Variants in RABGAP1L observed in about 807,000 individuals in gnomAD.
RABGAP1L encodes rab GTPase-activating protein 1-like.
A neutral mutation model predicts 137.7 loss-of-function variants in RABGAP1L; 63 were observed. That is an observed-to-expected ratio of 0.46 (90% CI 0.37 to 0.56). RABGAP1L has a LOEUF of 0.56. Among genes scored for constraint, RABGAP1L ranks in the 20% least tolerant of loss-of-function variants. RABGAP1L has a pLI of 0.00. For missense variants in RABGAP1L, 1,095 were observed against 1,244.0 expected, an observed-to-expected ratio of 0.88 and a Z score of 1.80; for synonymous variants, 431 against 433.7, an observed-to-expected ratio of 0.99 and a Z score of 0.08.
chr1:174,314,622 A>G (rs1679196472), intron 11 of RABGAP1L, among the ~76,000 whole-genome samples: 1 of 151,564 alleles, frequency 6.6e-6, no homozygotes, highest in Admixed American at 6.6e-5. Context: ...CCTTTTTTTG[A>G]TGTAGACAGT....
At chr1:174,206,129 C>G (rs1230075945) in intron 1 of RABGAP1L, among the ~76,000 whole-genome samples, 1 of 152,118 alleles carries the variant, frequency 6.6e-6, no homozygotes, top group African/African-American at 2.4e-5. Context: ...AGCTTAGATT[C>G]ATCTATTTGG....
intron 11 of RABGAP1L, among the ~76,000 whole-genome samples, chr1:174,356,694 A>G (rs1683665721): frequency 6.6e-6 from 1 of 152,022 alleles, no homozygotes; most frequent in African/African-American, 2.4e-5. Context: ...ATTGTATCCT[A>G]TTTTGGTGTT....
chr1:174,350,189 A>AC lies in RABGAP1L; in HGVS notation c.1466-20780dup, dbSNP rs1156878544. Among the ~76,000 whole-genome samples the AC allele has an allele frequency of 8.8e-3, 604 of 68,452 alleles. 1 individual carries two copies. Among genetic ancestry groups the AC allele is most frequent in the East Asian group, 0.014 (31 of 2,238 alleles). 44.9% of individuals were successfully genotyped at this position (68,452 alleles called of 152,430 possible). On this transcript the variant is annotated intron_variant, in intron 11 of 25. Transcript: ENST00000681986. ...GGGCGGCTGGCCGGGCGGGGGGCTG[A>AC]CCCCCCCCCCACCTCCCTCCCGGAC...
At chr1:174,210,802 A>G (rs1278792353) in intron 1 of RABGAP1L, among the ~76,000 whole-genome samples, 1 of 152,222 alleles carries the variant, frequency 6.6e-6, no homozygotes, top group East Asian at 1.9e-4. Context: ...ACATTTAATA[A>G]TCAGACTTCC....
intron 10 of RABGAP1L, among the ~76,000 whole-genome samples, chr1:174,292,187 C>A (rs1676678185): frequency 6.6e-6 from 1 of 150,686 alleles, no homozygotes; most frequent in South Asian, 2.1e-4. Flanking sequence ...ACAGGTACAT[C>A]CATCATGCTT....
intron 18 of RABGAP1L, among the ~76,000 whole-genome samples, chr1:174,790,586 A>C (rs1687774636): frequency 1.3e-5 from 2 of 151,562 alleles, no homozygotes; most frequent in South Asian, 4.2e-4. Flanking sequence ...GTGAGCCAAG[A>C]TTGCGCTATT....
At chr1:174,323,448 A>G (rs1680186405) in intron 11 of RABGAP1L, among the ~76,000 whole-genome samples, 1 of 152,116 alleles carries the variant, frequency 6.6e-6, no homozygotes, top group African/African-American at 2.4e-5. Context: ...ATTGCTTAAA[A>G]GATAGTATTT....
intron 13 of RABGAP1L, among the ~76,000 whole-genome samples, chr1:174,589,217 T>C (rs945763846): frequency 1.3e-5 from 2 of 152,232 alleles, no homozygotes; most frequent in Non-Finnish European, 2.9e-5. Flanking sequence ...TTGAGCACTT[T>C]TTTATATACC....
At chr1:174,939,875 C>G (rs1025323577) in intron 19 of RABGAP1L, among the ~76,000 whole-genome samples, 39 of 152,194 alleles carry the variant, frequency 2.6e-4, no homozygotes, top group African/African-American at 8.9e-4. Flanking sequence ...TTATCTGTTT[C>G]TTTTATTCCA....
chr1:174,962,325 G>A (rs1669226009), intron 20 of RABGAP1L, among the ~76,000 whole-genome samples: 1 of 151,312 alleles, frequency 6.6e-6, no homozygotes, highest in Non-Finnish European at 1.5e-5. Flanking sequence ...TCTTGGGTTT[G>A]GGACACAGAC....
chr1:174,634,597 G>A (rs1409845852), intron 13 of RABGAP1L, among the ~76,000 whole-genome samples: 4 of 123,720 alleles, frequency 3.2e-5, no homozygotes, highest in South Asian at 2.9e-4. Flanking sequence ...TGTTTATTGC[G>A]GCATTATTCA....
chr1:174,932,728 T>G (rs1444748552), intron 19 of RABGAP1L, among the ~76,000 whole-genome samples: 2 of 152,208 alleles, frequency 1.3e-5, no homozygotes, highest in Non-Finnish European at 2.9e-5. Context: ...TGATTTCCTG[T>G]TTATTCAGTA....
chr1:174,868,824 T>G (rs1651720896), intron 19 of RABGAP1L, among the ~76,000 whole-genome samples: 1 of 152,102 alleles, frequency 6.6e-6, no homozygotes, highest in Admixed American at 6.5e-5. Flanking sequence ...TATCAAGACT[T>G]CACCTCCACT....
intron 13 of RABGAP1L, among the ~76,000 whole-genome samples, chr1:174,619,974 G>A (rs922927159): frequency 6.6e-6 from 1 of 152,132 alleles, no homozygotes; most frequent in South Asian, 2.1e-4. Flanking sequence ...ACAAAAAAAG[G>A]TACGGGTTGC....
At chr1:174,726,869 T>C (rs1414839359) in intron 17 of RABGAP1L, among the ~76,000 whole-genome samples, 1 of 152,212 alleles carries the variant, frequency 6.6e-6, no homozygotes, top group African/African-American at 2.4e-5. Context: ...ATGTAAAAAT[T>C]ATTTTTATAT....
rs987687755 is a variant in RABGAP1L, at chr1:174,524,492, A to T, written c.1711-112883A>T. On this transcript the variant is annotated intron_variant, in intron 13 of 25. Coordinates refer to ENST00000681986, the MANE Select transcript of RABGAP1L (RefSeq NM_001366446.1). ...ATTTGTGTCATTTGCCCACTTTTTA[A>T]TGGGATATTTGTTTTTTCATTCTTG... Among the ~76,000 whole-genome samples the T allele has an allele frequency of 2.6e-5, 4 of 151,808 alleles. No individual in the cohort carries two copies. In the South Asian group the frequency reaches 8.3e-4, roughly 31 times the overall value.
chr1:174,600,780 A>C (rs1670345309), intron 13 of RABGAP1L, among the ~76,000 whole-genome samples: 1 of 152,168 alleles, frequency 6.6e-6, no homozygotes, highest in Admixed American at 6.5e-5. Context: ...TAGTGTCTGC[A>C]GCTTTTCCAG....
chr1:174,716,208 T>C (rs891531403), intron 17 of RABGAP1L, among the ~76,000 whole-genome samples: 4 of 152,216 alleles, frequency 2.6e-5, no homozygotes, highest in Admixed American at 6.5e-5. Flanking sequence ...ATATGCAGAA[T>C]CCACCGATAG....
At chr1:174,633,220 G>C (rs550225778) in intron 13 of RABGAP1L, among the ~76,000 whole-genome samples, 1 of 148,486 alleles carries the variant, frequency 6.7e-6, no homozygotes, top group African/African-American at 2.5e-5. Flanking sequence ...AAAATCACAA[G>C]CATTCTTATA....
Sources: allele counts gnomAD v4.1 joint callset (sites outside exome capture counted in the v4.1 genomes callset), GRCh38; gene constraint gnomAD v4.1.1; transcripts MANE v1.5; gene names NCBI Gene and HGNC (gene_info 2026-07-23, HGNC 2026-07-21).